NKAIN3: variants seen among roughly 807,000 people sequenced by gnomAD.
NKAIN3 encodes the protein sodium/potassium transporting ATPase interacting 3.
In NKAIN3, 25 loss-of-function variants were observed where a neutral mutation model predicts 30.2. The observed-to-expected ratio is 0.83, with a 90% CI of 0.60 to 1.16. The LOEUF is 1.16. NKAIN3 is among the 50% of genes most tolerant of loss of function. The pLI, the probability that NKAIN3 is intolerant of heterozygous loss-of-function variation, is 0.00. For synonymous variants in NKAIN3, 91 were observed against 89.6 expected, an observed-to-expected ratio of 1.02 and a Z score of -0.09; for missense variants, 225 against 254.1, an observed-to-expected ratio of 0.89 and a Z score of 0.78.
chr8:62,855,077 T>C (rs1398184932), intron 4 of NKAIN3: 1 of 154,646 alleles, frequency 6.5e-6, no homozygotes. Flanking sequence ...GTTTGTTTGT[T>C]TGTGTTCAGT....
chr8:62,454,257 T>TG (rs1805740677), intron 1 of NKAIN3, among the ~76,000 whole-genome samples: 1 of 129,250 alleles, frequency 7.7e-6, no homozygotes, highest in Admixed American at 8.9e-5. Flanking sequence ...AGAATTGTCT[T>TG]GGGCCACACA....
At chr8:62,557,534 A>C in intron 1 of NKAIN3, among the ~76,000 whole-genome samples, 1 of 152,272 alleles carries the variant, frequency 6.6e-6, no homozygotes, top group South Asian at 2.1e-4. Flanking sequence ...GCAGTGTAGA[A>C]GTGTTCCCTG....
chr8:62,992,250 G>T (rs1824336807), intron 5 of NKAIN3, among the ~76,000 whole-genome samples: 1 of 151,786 alleles, frequency 6.6e-6, no homozygotes, highest in Admixed American at 6.6e-5. Context: ...GACCTCAAGT[G>T]ATCCACCCGC....
chr8:62,620,965 G>C (rs1387763690), intron 3 of NKAIN3, among the ~76,000 whole-genome samples: 1 of 152,140 alleles, frequency 6.6e-6, no homozygotes, highest in Non-Finnish European at 1.5e-5. Context: ...TATGAATGTG[G>C]TGATCCTGAG....
At chr8:62,618,825 G>A (rs550991835) in intron 3 of NKAIN3, among the ~76,000 whole-genome samples, 1 of 152,074 alleles carries the variant, frequency 6.6e-6, no homozygotes, top group Non-Finnish European at 1.5e-5. Context: ...AGGATTGCTT[G>A]AACCCAGGAG....
intron 4 of NKAIN3, among the ~76,000 whole-genome samples, chr8:62,873,313 T>G (rs1241355037): frequency 6.6e-6 from 1 of 151,812 alleles, no homozygotes; most frequent in Non-Finnish European, 1.5e-5. Flanking sequence ...ATGCACCCAA[T>G]AAAGAAGCAT....
intron 3 of NKAIN3, among the ~76,000 whole-genome samples, chr8:62,719,966 A>G (rs527707189): frequency 6.6e-5 from 10 of 151,832 alleles, no homozygotes; most frequent in Non-Finnish European, 1.3e-4. Context: ...ACCGTGTTAG[A>G]CAGGATGGTC....
chr8:62,709,451 G>T (rs772693339), intron 3 of NKAIN3, among the ~76,000 whole-genome samples: 4 of 152,148 alleles, frequency 2.6e-5, no homozygotes, highest in South Asian at 4.1e-4. Context: ...AAGCTAGAAG[G>T]GTTGTATTTT....
intron 3 of NKAIN3, among the ~76,000 whole-genome samples, chr8:62,684,319 C>T (rs1048220691): frequency 6.6e-6 from 1 of 152,186 alleles, no homozygotes; most frequent in African/African-American, 2.4e-5. Context: ...CTTATAGGCA[C>T]ATCTAACTCT....
intron 4 of NKAIN3, among the ~76,000 whole-genome samples, chr8:62,839,389 C>T (rs2130757420): frequency 6.7e-6 from 1 of 149,934 alleles, no homozygotes; most frequent in Middle Eastern, 3.5e-3. Flanking sequence ...ATTTGGATTT[C>T]CTAAAAAGTC....
chr8:62,604,679 C>T (rs1269250266), intron 3 of NKAIN3, among the ~76,000 whole-genome samples: 11 of 152,032 alleles, frequency 7.2e-5, no homozygotes, highest in Non-Finnish European at 1.6e-4. Flanking sequence ...AATTTAAAAG[C>T]ATACATTTCT....
chr8:62,312,424 G>T (rs916172069), intron 1 of NKAIN3, among the ~76,000 whole-genome samples: 1 of 150,448 alleles, frequency 6.6e-6, no homozygotes, highest in African/African-American at 2.5e-5. Flanking sequence ...CACTTCACTG[G>T]CATCTTTTCT....
intron 3 of NKAIN3, among the ~76,000 whole-genome samples, chr8:62,742,823 T>C (rs772349018): frequency 1.3e-5 from 2 of 152,186 alleles, no homozygotes; most frequent in Non-Finnish European, 2.9e-5. Flanking sequence ...GGATAATTTA[T>C]AAAGGAAAGA....
At chr8:62,762,928 A>G (rs1279535603) in intron 4 of NKAIN3, among the ~76,000 whole-genome samples, 2 of 152,088 alleles carry the variant, frequency 1.3e-5, no homozygotes, top group Admixed American at 1.3e-4. Context: ...TAGATCTATC[A>G]AACAACTTAT....
chr8:62,824,121 C>G (rs1020923612), intron 4 of NKAIN3, among the ~76,000 whole-genome samples: 3 of 152,148 alleles, frequency 2.0e-5, no homozygotes, highest in Non-Finnish European at 4.4e-5. Context: ...AGATTTTATA[C>G]CCCTGCATTG....
chr8:62,252,980 T>C (rs1201273860), intron 1 of NKAIN3, among the ~76,000 whole-genome samples: 2 of 152,180 alleles, frequency 1.3e-5, no homozygotes, highest in Non-Finnish European at 2.9e-5. Context: ...ACTGAACTAA[T>C]TTTGGCAGGC....
intron 4 of NKAIN3, among the ~76,000 whole-genome samples, chr8:62,914,016 T>A (rs574631989): frequency 1.3e-5 from 2 of 152,278 alleles, no homozygotes; most frequent in South Asian, 4.1e-4. Context: ...GGAATATAAA[T>A]CACTCTATTA....
intron 4 of NKAIN3, among the ~76,000 whole-genome samples, chr8:62,750,829 G>A (rs1398563011): frequency 6.6e-6 from 1 of 152,084 alleles, no homozygotes; most frequent in Non-Finnish European, 1.5e-5. Flanking sequence ...TCAAAGACAA[G>A]CAGACTCCGG....
chr8:62,401,206 C>T (rs1379586058), intron 1 of NKAIN3, among the ~76,000 whole-genome samples: 2 of 152,012 alleles, frequency 1.3e-5, no homozygotes, highest in Non-Finnish European at 2.9e-5. Flanking sequence ...ATCAATGCTG[C>T]TATTACAAGA....
Sources: allele counts gnomAD v4.1 joint callset (sites outside exome capture counted in the v4.1 genomes callset), GRCh38; gene constraint gnomAD v4.1.1; transcripts MANE v1.5; gene names NCBI Gene and HGNC (gene_info 2026-07-23, HGNC 2026-07-21).